The following GABRB3 variants were observed in gnomAD, a reference collection of about 807,000 sequenced individuals.
GABRB3 encodes gamma-aminobutyric acid receptor subunit beta-3.
In GABRB3, 14 loss-of-function variants were observed where a neutral mutation model predicts 52.1. The observed-to-expected ratio is 0.27, with a 90% confidence interval of 0.18 to 0.42. The LOEUF (loss-of-function observed/expected upper bound fraction) is 0.42. GABRB3 is among the 10% of genes least tolerant of loss of function. The probability of loss-of-function intolerance (pLI) is 1.00; values close to 1 mark genes in which losing one functional copy is unlikely to be tolerated. For missense variants in GABRB3, 307 were observed against 609.1 expected, an observed-to-expected ratio of 0.50 and a Z score of 5.22; for synonymous variants, 260 against 232.3, an observed-to-expected ratio of 1.12 and a Z score of -1.08.
At chr15:26,697,600 A>C (rs760218792) in intron 3 of GABRB3, among the ~76,000 whole-genome samples, 3 of 152,112 alleles carry the variant, frequency 2.0e-5, no homozygotes, top group African/African-American at 4.8e-5. Flanking sequence ...GTCCATACCC[A>C]CATTCACCCT....
At chr15:26,729,891 A>G (rs1158211429) in intron 3 of GABRB3, among the ~76,000 whole-genome samples, 1 of 152,220 alleles carries the variant, frequency 6.6e-6, no homozygotes. Context: ...CTCTCTCTAC[A>G]GAACATCTGC....
intron 3 of GABRB3, among the ~76,000 whole-genome samples, chr15:26,622,647 C>CATCCTCCTG (rs1216841618): frequency 2.0e-5 from 3 of 152,206 alleles, no homozygotes; most frequent in Non-Finnish European, 4.4e-5. Flanking sequence ...CCAGTCTCGA[C>CATCCTCCTG]ACAGGCCTCC....
chr15:26,623,518 C>G (rs1033109530), intron 3 of GABRB3, among the ~76,000 whole-genome samples: 2 of 148,054 alleles, frequency 1.4e-5, no homozygotes, highest in African/African-American at 4.9e-5. Flanking sequence ...CAGTCCAGAA[C>G]CCACACCCCA....
intron 3 of GABRB3, among the ~76,000 whole-genome samples, chr15:26,741,495 T>A (rs1264565958): frequency 6.6e-6 from 1 of 152,186 alleles, no homozygotes; most frequent in East Asian, 1.9e-4. Flanking sequence ...ACATCACCCT[T>A]CTTGGTCACT....
chr15:26,601,843 A>C (rs557359790), intron 4 of GABRB3, among the ~76,000 whole-genome samples: 117 of 152,298 alleles, frequency 7.7e-4, no homozygotes, highest in Non-Finnish European at 6.9e-4. Context: ...GGAAAGAAGA[A>C]AGAAGGAAGA....
At chr15:26,594,829 G>A (rs1595468104) in intron 4 of GABRB3, among the ~76,000 whole-genome samples, 1 of 152,158 alleles carries the variant, frequency 6.6e-6, no homozygotes, top group Non-Finnish European at 1.5e-5. Flanking sequence ...GTTTTAACAA[G>A]AATTTCTTTA....
intron 3 of GABRB3, among the ~76,000 whole-genome samples, chr15:26,753,897 T>C (rs1161026315): frequency 6.6e-6 from 1 of 152,100 alleles, no homozygotes; most frequent in Non-Finnish European, 1.5e-5. Context: ...AGAACTTGAG[T>C]TCCATAACTA....
intron 8 of GABRB3, among the ~76,000 whole-genome samples, chr15:26,553,184 T>C (rs1889543904): frequency 6.6e-6 from 1 of 152,222 alleles, no homozygotes; most frequent in Non-Finnish European, 1.5e-5. Context: ...AGAGTCTCGC[T>C]CTGTCACCCA....
chr15:26,761,194 A>C (rs1427975906), intron 3 of GABRB3, among the ~76,000 whole-genome samples: 3 of 152,174 alleles, frequency 2.0e-5, no homozygotes, highest in Non-Finnish European at 4.4e-5. Flanking sequence ...GAAGTTCGAG[A>C]CCAGCCTGGC....
intron 3 of GABRB3, among the ~76,000 whole-genome samples, chr15:26,672,148 G>A (rs1014110082): frequency 1.3e-5 from 2 of 151,986 alleles, no homozygotes; most frequent in African/African-American, 4.8e-5. Context: ...GGTCCAGAAC[G>A]TGCCACAGTG....
chr15:26,766,205 T>C (rs899779678), intron 3 of GABRB3, among the ~76,000 whole-genome samples: 1 of 152,220 alleles, frequency 6.6e-6, no homozygotes, highest in African/African-American at 2.4e-5. Context: ...ATTCCAAATG[T>C]TTGGTAGTCA....
chr15:26,645,092 C>T (rs765696564), intron 3 of GABRB3, among the ~76,000 whole-genome samples: 3 of 152,216 alleles, frequency 2.0e-5, no homozygotes, highest in East Asian at 3.9e-4. Context: ...AAATGTGTAA[C>T]GTGAGCCAGG....
intron 3 of GABRB3, among the ~76,000 whole-genome samples, chr15:26,701,757 A>G (rs1888942556): frequency 6.6e-6 from 1 of 152,244 alleles, no homozygotes; most frequent in African/African-American, 2.4e-5. Flanking sequence ...GCAAATTCAA[A>G]GAACCTAGCA....
chr15:26,709,822 C>A (rs1479720245), intron 3 of GABRB3, among the ~76,000 whole-genome samples: 1 of 152,060 alleles, frequency 6.6e-6, no homozygotes, highest in Non-Finnish European at 1.5e-5. Context: ...CAGTCATAAA[C>A]CTCTTTTCTT....
At chr15:26,764,934 T>C (rs886067733) in intron 3 of GABRB3, among the ~76,000 whole-genome samples, 9 of 151,780 alleles carry the variant, frequency 5.9e-5, no homozygotes, top group Non-Finnish European at 1.2e-4. Flanking sequence ...ATCGAGACCA[T>C]CCTGGCTAAC....
intron 4 of GABRB3, among the ~76,000 whole-genome samples, chr15:26,609,470 A>G (rs1200322167): frequency 2.0e-5 from 3 of 152,150 alleles, no homozygotes; most frequent in Admixed American, 2.0e-4. Flanking sequence ...AAACAAATCT[A>G]CTCGATATAA....
chr15:26,682,787 C>A (rs1333536703), intron 3 of GABRB3, among the ~76,000 whole-genome samples: 1 of 152,194 alleles, frequency 6.6e-6, no homozygotes, highest in African/African-American at 2.4e-5. Flanking sequence ...CATCCCTTGT[C>A]CTCCATGCAT....
rs185317290 is a variant in GABRB3 at position 26,694,686 on chromosome 15, A to G, written c.241-73152T>C. 1.5e-3 allele frequency among the ~76,000 whole-genome samples: 227 copies of G among 152,330 alleles called. 1 individual carries two copies. Among genetic ancestry groups the G allele is most frequent in the Non-Finnish European group, 1.7e-3 (116 of 68,034 alleles). On this transcript the variant is annotated intron_variant, in intron 3 of 8. Transcript: ENST00000311550. Reference sequence around the variant, plus strand: ...TTACAAGAGGCTCTAAAAAGCAAAAAACACAGTCTGGAGACAGAGTCAGCA... The same window carrying G: ...TTACAAGAGGCTCTAAAAAGCAAAAGACACAGTCTGGAGACAGAGTCAGCA...
intron 3 of GABRB3, chr15:26,657,001 T>C (rs1468819449): frequency 6.6e-6 from 1 of 152,210 alleles, no homozygotes; most frequent in Non-Finnish European, 1.5e-5. Context: ...CCTTTCTGTA[T>C]TTAGGAAGAA....
Sources: gnomAD v4.1 joint callset for allele counts (sites outside exome capture counted in the v4.1 genomes callset) on GRCh38, gnomAD v4.1.1 for gene constraint, MANE v1.5 for transcripts, NCBI Gene and HGNC (gene_info 2026-07-23, HGNC 2026-07-21) for gene names.